Variants in LINC00237 observed in about 807,000 individuals in gnomAD.
LINC00237 encodes long independently transcribed non-coding RNA 237, also known as long intergenic non-protein coding RNA 237.
intron 1 of LINC00237, among the ~76,000 whole-genome samples, chr20:21,105,747 G>A (rs993134971): frequency 1.3e-5 from 2 of 152,198 alleles, no homozygotes; most frequent in Non-Finnish European, 2.9e-5. Context: ...GAGACTCTGC[G>A]CCTAGAGTTT....
At chr20:21,092,117 T>A (rs2030801321) in intron 2 of LINC00237, among the ~76,000 whole-genome samples, 1 of 152,180 alleles carries the variant, frequency 6.6e-6, no homozygotes, top group African/African-American at 2.4e-5. Context: ...TCAGGAGATG[T>A]TTACTCCACC....
At chr20:21,098,915 G>A (rs6047246) in intron 1 of LINC00237, among the ~76,000 whole-genome samples, 24,765 of 152,212 alleles carry the variant, frequency 0.16, 4,178 homozygotes, top group African/African-American at 0.41. Context: ...TCCTTTCTAG[G>A]CTTTTTATCA....
At position 21,094,725 on chromosome 20, in the gene LINC00237, C is replaced by G. The variant is rs897773934; in HGVS notation, n.89-873G>C. 2.0e-5 allele frequency among the ~76,000 whole-genome samples: 3 copies of G among 152,164 alleles called. No homozygotes were observed. In the East Asian group the frequency reaches 5.8e-4, roughly 29 times the overall value. ...CTATGATCTCACTACTGCATGCCAG[C>G]CTGGGCCACATGGCCAGATCCTGTC... On this transcript the variant is annotated intron_variant and non_coding_transcript_variant, in intron 1 of 3. Transcript: ENST00000691244.
chr20:21,096,310 T>C (rs1010110135), intron 1 of LINC00237, among the ~76,000 whole-genome samples: 9 of 152,168 alleles, frequency 5.9e-5, no homozygotes, highest in Non-Finnish European at 8.8e-5. Context: ...GACCCAGCCA[T>C]TGGGGAACCG....
chr20:21,085,863 T>C (rs1321994362), exon 4 of LINC00237, among the ~76,000 whole-genome samples: 1 of 152,250 alleles, frequency 6.6e-6, no homozygotes, highest in Non-Finnish European at 1.5e-5. Flanking sequence ...CACAATCTCA[T>C]GGATACTGGT....
chr20:21,092,304 C>T (rs1028876414), intron 2 of LINC00237, among the ~76,000 whole-genome samples: 6 of 152,172 alleles, frequency 3.9e-5, no homozygotes, highest in Non-Finnish European at 8.8e-5. Flanking sequence ...TGTTTACCAA[C>T]ATTCGTATCT....
At chr20:21,100,385 CA>C (rs2030915006) in intron 1 of LINC00237, among the ~76,000 whole-genome samples, 1 of 152,226 alleles carries the variant, frequency 6.6e-6, no homozygotes, top group Admixed American at 6.5e-5. Flanking sequence ...CGCGCGAGCC[CA>C]GCGTTAGCCC....
chr20:21,097,935 A>G (rs2030881775), intron 1 of LINC00237, among the ~76,000 whole-genome samples: 1 of 152,182 alleles, frequency 6.6e-6, no homozygotes, highest in African/African-American at 2.4e-5. Context: ...CAACATTTCC[A>G]TGTTCTGTAG....
intron 1 of LINC00237, among the ~76,000 whole-genome samples, chr20:21,103,690 G>C (rs1294622667): frequency 2.0e-5 from 3 of 152,144 alleles, no homozygotes; most frequent in Non-Finnish European, 4.4e-5. Flanking sequence ...ATGGTGTTCG[G>C]CAGCGGGGCG....
At chr20:21,086,852 ACTATATATG>A (rs2030716276) in intron 3 of LINC00237, among the ~76,000 whole-genome samples, 2 of 130,110 alleles carry the variant, frequency 1.5e-5, no homozygotes, top group Non-Finnish European at 3.2e-5. Flanking sequence ...TATAGTATAC[ACTATATATG>A]TATATAGTAT....
At chr20:21,090,577 T>C (rs1379138872) in intron 2 of LINC00237, 1 of 152,082 alleles carries the variant, frequency 6.6e-6, no homozygotes, top group African/African-American at 2.4e-5. Context: ...AGGTGCAAAA[T>C]AGCTTGGACT....
intron 1 of LINC00237, among the ~76,000 whole-genome samples, chr20:21,103,063 T>C (rs141563210): frequency 1.3e-5 from 2 of 152,316 alleles, no homozygotes; most frequent in African/African-American, 4.8e-5. Flanking sequence ...GTGCAGAGTG[T>C]AGCGGCTGGT....
chr20:21,088,541 T>C lies in LINC00237; in HGVS notation n.473-511A>G, dbSNP rs1366718803. Among the ~76,000 whole-genome samples, 3 of 152,200 alleles carry C rather than the reference T, an allele frequency of 2.0e-5. No individual in the cohort carries two copies. In the East Asian group the frequency reaches 5.8e-4, roughly 29 times the overall value. ...GAGTTGCAAGTCTTGGAAGTAGGAA[T>C]AATTTCAACCTCATAACAGCAATAG... On this transcript the variant is annotated intron_variant and non_coding_transcript_variant, in intron 2 of 3. Coordinates refer to ENST00000691244, the Ensembl canonical transcript of LINC00237.
chr20:21,105,146 C>A (rs2030982263), intron 1 of LINC00237, among the ~76,000 whole-genome samples: 1 of 152,200 alleles, frequency 6.6e-6, no homozygotes, highest in African/African-American at 2.4e-5. Flanking sequence ...TGGGTTCAGC[C>A]CACCGGGTCC....
intron 1 of LINC00237, among the ~76,000 whole-genome samples, chr20:21,097,674 G>A (rs2030878596): frequency 6.6e-6 from 1 of 152,136 alleles, no homozygotes; most frequent in South Asian, 2.1e-4. Flanking sequence ...AAGAGTAGCA[G>A]TTACCTCTGA....
chr20:21,093,400 T>C (rs543168260), intron 2 of LINC00237: 2 of 152,348 alleles, frequency 1.3e-5, no homozygotes, highest in East Asian at 3.9e-4. Context: ...TTGGCTCTTA[T>C]ACTCATCCAA....
chr20:21,102,543 G>A (rs1371555788), intron 1 of LINC00237, among the ~76,000 whole-genome samples: 1 of 152,224 alleles, frequency 6.6e-6, no homozygotes, highest in East Asian at 1.9e-4. Context: ...GATCTGGAGA[G>A]AGAGAATTTA....
intron 1 of LINC00237, among the ~76,000 whole-genome samples, chr20:21,096,262 G>T (rs1265181447): frequency 6.6e-6 from 1 of 152,216 alleles, no homozygotes; most frequent in African/African-American, 2.4e-5. Flanking sequence ...AGCAGTCCAG[G>T]ATGGGAGGGC....
chr20:21,090,600 A>T (rs1419125397), intron 2 of LINC00237: 1 of 152,222 alleles, frequency 6.6e-6, no homozygotes, highest in Non-Finnish European at 1.5e-5. Flanking sequence ...ATTAGCATGC[A>T]GGGCCTGGCT....
Sources: gnomAD v4.1 joint callset for allele counts (sites outside exome capture counted in the v4.1 genomes callset) on GRCh38, gnomAD v4.1.1 for gene constraint, MANE v1.5 for transcripts, NCBI Gene and HGNC (gene_info 2026-07-23, HGNC 2026-07-21) for gene names.